ELMOD1: variants seen among roughly 807,000 people sequenced by gnomAD.
ELMOD1 encodes ELMO domain-containing protein 1.
In ELMOD1, 21 loss-of-function variants were observed where a neutral mutation model predicts 46.7. That is an observed-to-expected ratio of 0.45 (90% CI 0.32 to 0.65). The LOEUF (loss-of-function observed/expected upper bound fraction) is 0.65, where lower values mean the gene tolerates loss of function less well. Ranked by LOEUF, ELMOD1 falls within the 30% of genes least tolerant of loss-of-function variation. The pLI is 0.04. For missense variants in ELMOD1, 348 were observed against 407.8 expected (o/e 0.85, Z 1.26); for synonymous variants, 122 against 138.2 (o/e 0.88, Z 0.82).
At chr11:107,592,020 G>A (rs370930390) in intron 1 of ELMOD1, 3 of 496,220 alleles carry the variant, frequency 6.0e-6, no homozygotes, top group African/African-American at 5.8e-5. Context: ...GGACAGCCGA[G>A]TGGGGAGTGA....
intron 1 of ELMOD1, among the ~76,000 whole-genome samples, chr11:107,601,416 CTTTTTT>C (rs56341702): frequency 1.6e-5 from 2 of 122,118 alleles, no homozygotes; most frequent in Admixed American, 1.8e-4. Context: ...TTAATTTTTT[CTTTTTT>C]TTTTTTTTTT....
intron 2 of ELMOD1, among the ~76,000 whole-genome samples, chr11:107,618,653 G>C (rs781735880): frequency 6.6e-6 from 1 of 152,060 alleles, no homozygotes; most frequent in Non-Finnish European, 1.5e-5. Context: ...TTTTGTGGGC[G>C]GTCAAACTAT....
At chr11:107,597,759 A>G (rs1293472692) in intron 1 of ELMOD1, among the ~76,000 whole-genome samples, 1 of 152,208 alleles carries the variant, frequency 6.6e-6, no homozygotes. Flanking sequence ...TAATCAATCT[A>G]ACTAAAAATA....
chr11:107,624,433 T>G (rs933950710), intron 2 of ELMOD1, among the ~76,000 whole-genome samples: 5 of 152,116 alleles, frequency 3.3e-5, no homozygotes, highest in African/African-American at 1.2e-4. Flanking sequence ...GGCAGATTGC[T>G]CAAGCCCATG....
In ELMOD1 at chr11:107,591,282, CG is replaced by C. The variant is rs1865383287; in HGVS notation, c.-211del. ...AGCCGCGGCCGCCCCTGTCCAGCCT[CG>C]GCGCCCGGGACCGAGCGCGTCGCTC... On this transcript the variant is annotated 5_prime_UTR_variant, in exon 1 of 12. Coordinates refer to ENST00000265840, the MANE Select transcript of ELMOD1 (RefSeq NM_018712.4). 1 of 152,266 alleles carries C rather than the reference CG, an allele frequency of 6.6e-6. No homozygotes were observed. The highest frequency in any genetic ancestry group is 6.5e-5 in the Admixed American group (1 of 15,268). 9.4% of individuals were successfully genotyped at this position (152,266 alleles called of 1,614,324 possible). A position where few individuals can be genotyped will look rare whatever the true frequency, so the allele number is the denominator to read the frequency against.
At chr11:107,595,542 AC>A (rs1865478301) in intron 1 of ELMOD1, among the ~76,000 whole-genome samples, 1 of 152,208 alleles carries the variant, frequency 6.6e-6, no homozygotes, top group Non-Finnish European at 1.5e-5. Flanking sequence ...AGAAAGGCTT[AC>A]TGCAGTAATC....
At chr11:107,622,618 C>T (rs543485330) in intron 2 of ELMOD1, among the ~76,000 whole-genome samples, 43 of 152,342 alleles carry the variant, frequency 2.8e-4, no homozygotes, top group African/African-American at 5.5e-4. Flanking sequence ...GAGGCAAATT[C>T]GGGCTAGACT....
At chr11:107,596,299 A>G (rs988803730) in intron 1 of ELMOD1, among the ~76,000 whole-genome samples, 4 of 152,110 alleles carry the variant, frequency 2.6e-5, no homozygotes, top group Non-Finnish European at 5.9e-5. Context: ...GACTTAACAG[A>G]TATCATCAGT....
At chr11:107,591,717 A>G (rs1214924544) in intron 1 of ELMOD1, 1 of 379,684 alleles carries the variant, frequency 2.6e-6, no homozygotes, top group Non-Finnish European at 5.5e-6. Context: ...CTAGCGACCT[A>G]ACGCCGAGGG....
intron 2 of ELMOD1, chr11:107,623,397 G>A (rs532628983): frequency 6.6e-6 from 1 of 152,208 alleles, no homozygotes; most frequent in Non-Finnish European, 1.5e-5. Flanking sequence ...CTTTCCCTCA[G>A]CTTTTCAGGG....
Position 107,607,332 on chromosome 11 carries a change from G to A in ELMOD1, c.-85-10773G>A, listed in dbSNP as rs1242600906. Among the ~76,000 whole-genome samples the A allele has an allele frequency of 2.0e-5, 3 of 152,224 alleles. No homozygotes were observed. The East Asian group carries it at 5.8e-4, about 29-fold the overall frequency. On this transcript the variant is annotated intron_variant, in intron 1 of 11. Coordinates refer to ENST00000265840, the MANE Select transcript of ELMOD1 (RefSeq NM_018712.4). Reference sequence around the variant, plus strand: ...ATTGAAACTTTCTCAATTACTTTTAGAAAAGCTTTAAAGTGACACAATATA... The same window carrying A: ...ATTGAAACTTTCTCAATTACTTTTAAAAAAGCTTTAAAGTGACACAATATA...
intron 1 of ELMOD1, among the ~76,000 whole-genome samples, chr11:107,604,328 A>G (rs887368877): frequency 6.6e-6 from 1 of 152,216 alleles, no homozygotes; most frequent in Non-Finnish European, 1.5e-5. Context: ...GAGTTGCTCT[A>G]TCAACAACAT....
intron 2 of ELMOD1, among the ~76,000 whole-genome samples, chr11:107,627,137 G>A (rs937135023): frequency 1.3e-5 from 2 of 152,152 alleles, no homozygotes; most frequent in Non-Finnish European, 2.9e-5. Flanking sequence ...AGGAAAGTAT[G>A]GTACCTAGCA....
At chr11:107,646,547 C>T (rs796254177) in intron 6 of ELMOD1, among the ~76,000 whole-genome samples, 8 of 152,090 alleles carry the variant, frequency 5.3e-5, no homozygotes, top group Middle Eastern at 3.4e-3. Flanking sequence ...CAAGCCTGGC[C>T]GATGTGGTAA....
intron 7 of ELMOD1, among the ~76,000 whole-genome samples, chr11:107,649,417 G>A (rs756030630): frequency 6.6e-6 from 1 of 152,190 alleles, no homozygotes; most frequent in Non-Finnish European, 1.5e-5. Flanking sequence ...AAAGTAAAAC[G>A]AGATAAGACT....
chr11:107,621,611 C>T (rs1253955722), intron 2 of ELMOD1, among the ~76,000 whole-genome samples: 2 of 68,374 alleles, frequency 2.9e-5, no homozygotes, highest in Non-Finnish European at 9.1e-5. Flanking sequence ...AGTTAAGTGA[C>T]TTCAACAAAG....
At chr11:107,614,221 C>T (rs1177085990) in intron 1 of ELMOD1, among the ~76,000 whole-genome samples, 16 of 152,174 alleles carry the variant, frequency 1.1e-4, no homozygotes. Context: ...CCTTATCCTG[C>T]CATTAATATC....
intron 1 of ELMOD1, among the ~76,000 whole-genome samples, chr11:107,596,915 T>G (rs2135644295): frequency 6.6e-6 from 1 of 152,250 alleles, no homozygotes; most frequent in East Asian, 1.9e-4. Flanking sequence ...AATTATCAAA[T>G]TTTTATATAT....
intron 1 of ELMOD1, among the ~76,000 whole-genome samples, chr11:107,601,240 A>G (rs192304947): frequency 6.6e-6 from 1 of 151,726 alleles, no homozygotes; most frequent in African/African-American, 2.4e-5. Context: ...CCTCTCTCTT[A>G]TACATGTTTC....
Sources: allele counts gnomAD v4.1 joint callset (sites outside exome capture counted in the v4.1 genomes callset), GRCh38; gene constraint gnomAD v4.1.1; transcripts MANE v1.5; gene names NCBI Gene and HGNC (gene_info 2026-07-23, HGNC 2026-07-21).